The following PIN4 variants were observed in gnomAD, a reference collection of about 807,000 sequenced individuals.
PIN4 encodes the protein peptidyl-prolyl cis-trans isomerase NIMA-interacting 4.
PIN4 carries 3 observed loss-of-function variants against 8.3 expected under a neutral mutation model. That is an observed-to-expected ratio of 0.36 (90% CI 0.16 to 0.93). The LOEUF (loss-of-function observed/expected upper bound fraction) is 0.93. PIN4 is among the 40% of genes least tolerant of loss of function. PIN4 has a pLI of 0.44. For missense variants in PIN4, 75 were observed against 100.6 expected, an observed-to-expected ratio of 0.75 and a Z score of 1.09; for synonymous variants, 18 against 32.5, an observed-to-expected ratio of 0.55 and a Z score of 1.52.
intron 3 of PIN4, among the ~76,000 whole-genome samples, chrX:72,245,943 C>T (rs1180936503): frequency 4.5e-5 from 5 of 111,728 alleles, no homozygotes; most frequent in Admixed American, 3.8e-4. Context: ...ACAAGGCAGT[C>T]CCACTGCACA....
At chrX:72,202,482 AAAG>A (rs1299294995), downstream of PIN4, among the ~76,000 whole-genome samples, 2 of 112,350 alleles carry the variant, frequency 1.8e-5, no homozygotes, top group Non-Finnish European at 3.8e-5. Flanking sequence ...ATCAGGGAAG[AAAG>A]AAGTTTATTA....
intron 3 of PIN4, chrX:72,207,429 A>G (rs989027346): frequency 1.7e-6 from 2 of 1,211,316 alleles, no homozygotes; most frequent in Non-Finnish European, 1.1e-6. Context: ...CTTGATCAAT[A>G]TGGTCCACAT....
chrX:72,245,809 G>A (rs897498063), intron 3 of PIN4, among the ~76,000 whole-genome samples: 4 of 112,089 alleles, frequency 3.6e-5, no homozygotes, highest in Middle Eastern at 4.6e-3. Context: ...GGAAGGGAGG[G>A]AGCCAAGAGT....
chrX:72,226,773 G>C (rs1441766696), intron 3 of PIN4, among the ~76,000 whole-genome samples: 2 of 111,345 alleles, frequency 1.8e-5, no homozygotes, highest in African/African-American at 6.5e-5. Flanking sequence ...ACCAAATACA[G>C]CAACTAATCA....
intron 3 of PIN4, among the ~76,000 whole-genome samples, chrX:72,203,659 C>T (rs956373911): frequency 1.8e-5 from 2 of 111,990 alleles, no homozygotes; most frequent in Non-Finnish European, 3.8e-5. Flanking sequence ...TTCATTTACA[C>T]AAGGTTAAAA....
intron 3 of PIN4, among the ~76,000 whole-genome samples, chrX:72,213,949 T>C (rs753234801): frequency 8.9e-6 from 1 of 112,459 alleles, no homozygotes; most frequent in Non-Finnish European, 1.9e-5. Context: ...ATCCAGCTCC[T>C]GGAGTATCTG....
chrX:72,220,625 C>T (rs912816310), intron 3 of PIN4, among the ~76,000 whole-genome samples: 5 of 109,382 alleles, frequency 4.6e-5, no homozygotes, highest in East Asian at 2.9e-4. Context: ...CCCCTCTGGC[C>T]AGAAAGATGT....
chrX:72,251,192 C>G (rs1209946421), intron 3 of PIN4, among the ~76,000 whole-genome samples: 1 of 103,277 alleles, frequency 9.7e-6, no homozygotes, highest in African/African-American at 3.6e-5. Flanking sequence ...CCCGTCTCTA[C>G]TAAAAATACA....
At chrX:72,222,279 C>A (rs1311527951) in intron 3 of PIN4, among the ~76,000 whole-genome samples, 2 of 112,118 alleles carry the variant, frequency 1.8e-5, no homozygotes, top group Non-Finnish European at 3.8e-5. Context: ...GTAACCCAAT[C>A]CTTTAATTTA....
At chrX:72,250,736 GTTTTTTTTT>G (rs1230012818) in intron 3 of PIN4, among the ~76,000 whole-genome samples, 2 of 74,358 alleles carry the variant, frequency 2.7e-5, no homozygotes, top group South Asian at 1.6e-3. Context: ...CTGGTATATG[GTTTTTTTTT>G]TTTTTTTTTT....
intron 3 of PIN4, among the ~76,000 whole-genome samples, chrX:72,250,880 C>G (rs2043084138): frequency 9.4e-6 from 1 of 106,509 alleles, no homozygotes; most frequent in Non-Finnish European, 1.9e-5. Flanking sequence ...GCTGGAATTA[C>G]AGGTGCCCAC....
At chrX:72,238,962 C>G (rs772617159) in intron 3 of PIN4, 1 of 997,776 alleles carries the variant, frequency 1.0e-6, no homozygotes. Flanking sequence ...GAGCTTGGAG[C>G]TTGGAGCTTG....
At chrX:72,186,692 C>G (rs1489814253) in intron 2 of PIN4, among the ~76,000 whole-genome samples, 158 bp downstream of exon 2, 1 of 111,952 alleles carries the variant, frequency 8.9e-6, no homozygotes, top group Non-Finnish European at 1.9e-5. Flanking sequence ...ACCTGTAATC[C>G]CAGCACTTTG....
At chrX:72,243,007 C>A (rs954194537) in intron 3 of PIN4, among the ~76,000 whole-genome samples, 3 of 105,989 alleles carry the variant, frequency 2.8e-5, no homozygotes, top group African/African-American at 1.0e-4. Flanking sequence ...AGGGTGACTC[C>A]ATCTCAAAAA....
At chrX:72,228,145 CTG>C (rs2042963901) in intron 3 of PIN4, among the ~76,000 whole-genome samples, 1 of 112,378 alleles carries the variant, frequency 8.9e-6, no homozygotes, top group Admixed American at 9.5e-5. Flanking sequence ...CCAATGGAAA[CTG>C]GACACAGCAG....
At chrX:72,238,228 C>T (rs750619122) in intron 3 of PIN4, among the ~76,000 whole-genome samples, 1 of 112,054 alleles carries the variant, frequency 8.9e-6, no homozygotes, top group Non-Finnish European at 1.9e-5. Context: ...TACTTTACCA[C>T]AATTTAAGAA....
intron 3 of PIN4, chrX:72,205,183 T>C (rs2042809835): frequency 8.3e-7 from 1 of 1,210,058 alleles, no homozygotes; most frequent in African/African-American, 1.7e-5. Context: ...ATTTGTAGCC[T>C]CTGCCGCCTT....
chrX:72,218,399 C>T lies in PIN4; in HGVS notation c.312+21495C>T, dbSNP rs1051751882. Among the ~76,000 whole-genome samples the T allele has an allele frequency of 1.6e-4, 18 of 111,021 alleles. No individual in the cohort carries two copies. In the East Asian group the frequency reaches 1.7e-3, roughly 10 times the overall value. ...CTGGGATTACAGATGTGAGGCACCA[C>T]GGTCGGCTAAACTACTCTTTTTCAA... On this transcript the variant is annotated intron_variant, in intron 3 of 3. Coordinates refer to the PIN4 transcript ENST00000423432.
intron 3 of PIN4, chrX:72,206,240 C>T: frequency 8.3e-7 from 1 of 1,208,674 alleles, no homozygotes; most frequent in African/African-American, 1.7e-5. Context: ...TCTTTTTGTA[C>T]AGCTTCATTT....
Sources: gnomAD v4.1 joint callset for allele counts (sites outside exome capture counted in the v4.1 genomes callset) on GRCh38, gnomAD v4.1.1 for gene constraint, MANE v1.5 for transcripts, NCBI Gene and HGNC (gene_info 2026-07-23, HGNC 2026-07-21) for gene names.